PCDH9: variants seen among roughly 807,000 people sequenced by gnomAD.
PCDH9 encodes the protein protocadherin-9.
Under a neutral mutation model 70.6 loss-of-function variants are expected in PCDH9, and 24 were observed. The observed-to-expected ratio is 0.34, with a 90% CI of 0.25 to 0.48. The LOEUF (loss-of-function observed/expected upper bound fraction) is 0.48. Among genes scored for constraint, PCDH9 ranks in the 20% least tolerant of loss-of-function variants. PCDH9 has a pLI of 0.99. For synonymous variants in PCDH9, 562 were observed against 558.5 expected, an observed-to-expected ratio of 1.01 and a Z score of -0.09; for missense variants, 1,281 against 1,503.6, an observed-to-expected ratio of 0.85 and a Z score of 2.45.
chr13:66,603,803 A>G (rs963887350), intron 4 of PCDH9, among the ~76,000 whole-genome samples: 1 of 152,012 alleles, frequency 6.6e-6, no homozygotes, highest in Non-Finnish European at 1.5e-5. Context: ...AGACTTTGTT[A>G]TGTAATTATG....
At chr13:67,031,786 C>T (rs2084911831) in intron 2 of PCDH9, among the ~76,000 whole-genome samples, 1 of 151,936 alleles carries the variant, frequency 6.6e-6, no homozygotes, top group Non-Finnish European at 1.5e-5. Flanking sequence ...AAACATTTGC[C>T]TTTCTAGCAC....
intron 2 of PCDH9, chr13:67,201,483 T>C (rs2089210741): frequency 6.6e-6 from 1 of 151,998 alleles, no homozygotes; most frequent in Admixed American, 6.6e-5. Flanking sequence ...TAAATTCCCA[T>C]TCAACTTAAA....
chr13:66,369,371 T>A (rs1392118580), intron 4 of PCDH9, among the ~76,000 whole-genome samples: 2 of 152,146 alleles, frequency 1.3e-5, no homozygotes, highest in African/African-American at 4.8e-5. Flanking sequence ...CTATAGTTAG[T>A]TTATGACATA....
intron 2 of PCDH9, among the ~76,000 whole-genome samples, chr13:66,975,990 T>TA: frequency 6.6e-6 from 1 of 152,166 alleles, no homozygotes; most frequent in East Asian, 1.9e-4. Flanking sequence ...TGAATTTTGC[T>TA]ACGTTTTTAA....
chr13:66,586,455 C>T (rs2076964677), intron 4 of PCDH9, among the ~76,000 whole-genome samples: 1 of 152,058 alleles, frequency 6.6e-6, no homozygotes, highest in African/African-American at 2.4e-5. Flanking sequence ...TTTGCCTTTG[C>T]AGCAAGATCA....
At chr13:66,681,658 T>G (rs959259634) in intron 3 of PCDH9, among the ~76,000 whole-genome samples, 1 of 152,096 alleles carries the variant, frequency 6.6e-6, no homozygotes, top group African/African-American at 2.4e-5. Flanking sequence ...TTCCTTTGCC[T>G]GACTGCTTCC....
chr13:66,347,694 G>T (rs1415436871), intron 4 of PCDH9, among the ~76,000 whole-genome samples: 1 of 152,068 alleles, frequency 6.6e-6, no homozygotes, highest in East Asian at 1.9e-4. Context: ...TTGACCCATG[G>T]TCAGCCATTT....
At chr13:66,622,430 G>A (rs997360409) in intron 4 of PCDH9, among the ~76,000 whole-genome samples, 2 of 152,210 alleles carry the variant, frequency 1.3e-5, no homozygotes, top group Non-Finnish European at 2.9e-5. Flanking sequence ...GTGGGGACGT[G>A]GAGAACCTTT....
chr13:66,800,228 C>A (rs1425183076), intron 3 of PCDH9, among the ~76,000 whole-genome samples: 1 of 152,080 alleles, frequency 6.6e-6, no homozygotes, highest in Non-Finnish European at 1.5e-5. Context: ...ATAAACCCTG[C>A]CCTCTCACCC....
chr13:67,161,542 T>C (rs144814932), intron 2 of PCDH9, among the ~76,000 whole-genome samples: 1,531 of 152,306 alleles, frequency 0.01, 18 homozygotes, highest in Non-Finnish European at 0.014. Context: ...TACCTGATGG[T>C]AAGCTCCAAA....
intron 3 of PCDH9, among the ~76,000 whole-genome samples, chr13:66,795,858 G>A (rs1444868771): frequency 6.6e-6 from 1 of 152,058 alleles, no homozygotes; most frequent in Non-Finnish European, 1.5e-5. Flanking sequence ...GAATTCTGCT[G>A]AATCCTTTTG....
Position 67,110,514 on chromosome 13 carries a change from C to CAAAA in PCDH9, c.3036+114887_3036+114890dup, listed in dbSNP as rs67490405. On this transcript the variant is annotated intron_variant, in intron 2 of 4. Coordinates refer to ENST00000377865, the MANE Select transcript of PCDH9 (RefSeq NM_203487.3). ...GGGCGACAGAGACTCCACTCCATCT[C>CAAAA]AAAAAAAAAAAAAAAAAAAAAGGGA... is the stretch of plus-strand genomic sequence containing the variant. 1.8e-4 allele frequency among the ~76,000 whole-genome samples: 14 copies of CAAAA among 78,602 alleles called. 1 individual carries two copies. Among genetic ancestry groups the CAAAA allele is most frequent in the South Asian group, 5.6e-4 (1 of 1,798 alleles). The allele number at this position is 78,602 out of a possible 152,430, so 51.6% of individuals were successfully genotyped here. A position where few individuals can be genotyped will look rare whatever the true frequency, so the allele number is the denominator to read the frequency against.
chr13:66,976,593 A>G (rs1391903161), intron 2 of PCDH9, among the ~76,000 whole-genome samples: 1 of 152,164 alleles, frequency 6.6e-6, no homozygotes, highest in African/African-American at 2.4e-5. Flanking sequence ...TAGCAATTCC[A>G]TAAACCCAAC....
intron 3 of PCDH9, among the ~76,000 whole-genome samples, chr13:66,867,052 G>C (rs934696216): frequency 8.1e-5 from 12 of 147,528 alleles, no homozygotes; most frequent in South Asian, 2.1e-4. Flanking sequence ...AATTAATAGC[G>C]CTGAGGGCTG....
intron 3 of PCDH9, among the ~76,000 whole-genome samples, chr13:66,813,259 C>T (rs912836721): frequency 5.9e-5 from 9 of 151,980 alleles, no homozygotes; most frequent in South Asian, 2.1e-4. Flanking sequence ...AAAGTAATTC[C>T]GACAGCAATA....
chr13:66,980,730 G>GTTTTTTTTTTTTTTTTTTT lies in PCDH9; in HGVS notation c.3037-77126_3037-77125insAAAAAAAAAAAAAAAAAAA. Among the ~76,000 whole-genome samples, 47 of 70,892 alleles carry GTTTTTTTTTTTTTTTTTTT rather than the reference G, an allele frequency of 6.6e-4. 1 individual carries two copies. Among genetic ancestry groups the GTTTTTTTTTTTTTTTTTTT allele is most frequent in the Non-Finnish European group, 8.8e-4 (33 of 37,616 alleles). 46.5% of individuals were successfully genotyped at this position (70,892 alleles called of 152,430 possible). ...TTTGTTTTTTCCTGTTTTTTTCTTT[G>GTTTTTTTTTTTTTTTTTTT]TTTTTTTTTTTGTTTTTTTTTTTAC... On this transcript the variant is annotated intron_variant, in intron 2 of 4. Coordinates refer to ENST00000377865, the MANE Select transcript of PCDH9 (RefSeq NM_203487.3).
intron 2 of PCDH9, among the ~76,000 whole-genome samples, chr13:66,959,713 T>G (rs1030742910): frequency 6.7e-6 from 1 of 148,468 alleles, no homozygotes; most frequent in Non-Finnish European, 1.5e-5. Context: ...ATTGCATCAC[T>G]GCACTCCACC....
At chr13:66,579,993 G>T (rs61956027) in intron 4 of PCDH9, among the ~76,000 whole-genome samples, 1 of 151,950 alleles carries the variant, frequency 6.6e-6, no homozygotes, top group East Asian at 1.9e-4. Flanking sequence ...TTTTGAAGAT[G>T]TTCAAATACC....
At chr13:66,660,254 G>A (rs2077990503) in intron 3 of PCDH9, among the ~76,000 whole-genome samples, 1 of 152,144 alleles carries the variant, frequency 6.6e-6, no homozygotes, top group South Asian at 2.1e-4. Context: ...GCAGAAGCAA[G>A]AGCTGTTCTG....
Sources: gnomAD v4.1 joint callset for allele counts (sites outside exome capture counted in the v4.1 genomes callset) on GRCh38, gnomAD v4.1.1 for gene constraint, MANE v1.5 for transcripts, NCBI Gene and HGNC (gene_info 2026-07-23, HGNC 2026-07-21) for gene names.